Variants in GULP1 observed in about 807,000 individuals in gnomAD.
GULP1 encodes GULP PTB domain containing engulfment adaptor 1, also known as PTB domain-containing engulfment adapter protein 1.
A neutral mutation model predicts 40.9 loss-of-function variants in GULP1; 19 were observed. The observed-to-expected ratio is 0.46, with a 90% CI of 0.32 to 0.68. The LOEUF (loss-of-function observed/expected upper bound fraction) is 0.68, where lower values mean the gene tolerates loss of function less well. Ranked by LOEUF, GULP1 falls within the 30% of genes least tolerant of loss-of-function variation. The pLI is 0.03. For missense variants in GULP1, 312 were observed against 362.2 expected (o/e 0.86, Z 1.12); for synonymous variants, 119 against 117.6 (o/e 1.01, Z -0.08).
At chr2:188,579,051 ACCAAATTT>A (rs1049969878) in intron 9 of GULP1, among the ~76,000 whole-genome samples, 4 of 152,228 alleles carry the variant, frequency 2.6e-5, no homozygotes, top group African/African-American at 9.6e-5. Context: ...AGAATCAAGC[ACCAAATTT>A]ATCCATATAT....
chr2:188,477,594 A>G (rs1018744653), intron 2 of GULP1, 65 bp from the exon 3 acceptor site: 18 of 784,792 alleles, frequency 2.3e-5, no homozygotes, highest in Non-Finnish European at 2.7e-5. Context: ...TTAAAACCAC[A>G]TTAGCAAAAG....
rs1553540229 is a variant in GULP1 at position 188,399,714 on chromosome 2, A to AAAAAAC, written c.-45+15825_-45+15826insAAAAAC. On this transcript the variant is annotated intron_variant, in intron 2 of 11. Transcript: ENST00000409830. ...AGAAAAAAAAAAAAAAAAAAAAAAA[A>AAAAAAC]CATCAAACTGTAATAACAATAAAAT... Among the ~76,000 whole-genome samples, 148 of 131,090 alleles carry AAAAAAC rather than the reference A, an allele frequency of 1.1e-3. 7 individuals are homozygous for AAAAAAC. The highest frequency in any genetic ancestry group is 3.2e-3 in the African/African-American group (107 of 33,536). The allele number at this position is 131,090 out of a possible 152,430, so 86.0% of individuals were successfully genotyped here.
chr2:188,538,385 TAATG>T (rs1461877963), intron 6 of GULP1, among the ~76,000 whole-genome samples: 1 of 152,076 alleles, frequency 6.6e-6, no homozygotes, highest in African/African-American at 2.4e-5. Context: ...TTAAAACTCT[TAATG>T]AAAAAGAAGC....
intron 11 of GULP1, chr2:188,588,744 T>C (rs1702919820): frequency 6.6e-6 from 1 of 152,126 alleles, no homozygotes; most frequent in African/African-American, 2.4e-5. Flanking sequence ...GGAGGTATTT[T>C]TGTTTATTAG....
intron 9 of GULP1, among the ~76,000 whole-genome samples, chr2:188,581,361 C>G (rs1701283381): frequency 1.3e-5 from 2 of 152,186 alleles, no homozygotes; most frequent in African/African-American, 4.8e-5. Flanking sequence ...ATACATCTGA[C>G]CCTTGCTCAA....
intron 4 of GULP1, among the ~76,000 whole-genome samples, chr2:188,511,493 A>G (rs2064534574): frequency 6.6e-6 from 1 of 152,018 alleles, no homozygotes; most frequent in East Asian, 1.9e-4. Flanking sequence ...TAAATGCCCT[A>G]TTTACTCCAC....
chr2:188,445,298 A>G (rs2058288457), intron 2 of GULP1, among the ~76,000 whole-genome samples: 1 of 150,106 alleles, frequency 6.7e-6, no homozygotes. Context: ...TGTTTAAAGG[A>G]AAAAAAAACA....
In GULP1 at chr2:188,360,562, G is replaced by C. The variant is rs144796067; in HGVS notation, c.-171-23201G>C. Among the ~76,000 whole-genome samples, 5 of 152,074 alleles carry C rather than the reference G, an allele frequency of 3.3e-5. No homozygotes were observed. In the East Asian group the frequency reaches 9.7e-4, roughly 29 times the overall value. ...AATCTTTATTCTGATTTCTTAAGAGGAAGATTGATTTAATTGTCAATGTTG... is the reference window on the plus strand; with the variant it reads ...AATCTTTATTCTGATTTCTTAAGAGCAAGATTGATTTAATTGTCAATGTTG... On this transcript the variant is annotated intron_variant, in intron 1 of 11. Transcript: ENST00000409830.
intron 7 of GULP1, among the ~76,000 whole-genome samples, chr2:188,542,407 CT>C (rs1445878247): frequency 6.6e-6 from 1 of 151,846 alleles, no homozygotes; most frequent in Non-Finnish European, 1.5e-5. Flanking sequence ...GAACAAATAC[CT>C]TTTTATTTGT....
intron 1 of GULP1, among the ~76,000 whole-genome samples, chr2:188,367,657 T>C (rs187019210): frequency 3.7e-4 from 56 of 152,272 alleles, no homozygotes; most frequent in South Asian, 2.3e-3. Context: ...GGTATCAAGA[T>C]AGAAACGGTT....
intron 5 of GULP1, among the ~76,000 whole-genome samples, chr2:188,523,179 A>G (rs1685279392): frequency 6.6e-6 from 1 of 152,216 alleles, no homozygotes; most frequent in Non-Finnish European, 1.5e-5. Flanking sequence ...ATGGCATAAC[A>G]ACTGTCTTTA....
intron 1 of GULP1, among the ~76,000 whole-genome samples, chr2:188,301,051 G>A (rs2036042441): frequency 6.6e-6 from 1 of 152,184 alleles, no homozygotes; most frequent in East Asian, 1.9e-4. Context: ...GTCTCACTCT[G>A]TCACCCAACC....
intron 1 of GULP1, among the ~76,000 whole-genome samples, chr2:188,328,555 T>C (rs2041088870): frequency 6.6e-6 from 1 of 152,168 alleles, no homozygotes; most frequent in Non-Finnish European, 1.5e-5. Flanking sequence ...CATAAATTCC[T>C]CAGTTTTCAC....
At chr2:188,506,923 A>C (rs1457353790) in intron 4 of GULP1, among the ~76,000 whole-genome samples, 1 of 151,974 alleles carries the variant, frequency 6.6e-6, no homozygotes, top group Non-Finnish European at 1.5e-5. Context: ...CACAACCTGA[A>C]CTTCTCCCAG....
intron 4 of GULP1, among the ~76,000 whole-genome samples, chr2:188,503,061 G>C (rs925293727): frequency 1.3e-5 from 2 of 151,862 alleles, no homozygotes; most frequent in Non-Finnish European, 2.9e-5. Context: ...AAGGTCTCAC[G>C]TTTTAATACT....
At chr2:188,444,018 T>A (rs1411835670) in intron 2 of GULP1, among the ~76,000 whole-genome samples, 1 of 152,184 alleles carries the variant, frequency 6.6e-6, no homozygotes, top group Non-Finnish European at 1.5e-5. Flanking sequence ...GGCATCCTAT[T>A]TTCTTTCCTA....
intron 2 of GULP1, among the ~76,000 whole-genome samples, chr2:188,467,133 CA>C (rs1340318835): frequency 2.6e-5 from 4 of 151,374 alleles, no homozygotes. Flanking sequence ...AAGCTTGTGG[CA>C]AAAGTTAAAA....
intron 7 of GULP1, among the ~76,000 whole-genome samples, chr2:188,565,069 G>C (rs1194109351): frequency 2.0e-5 from 3 of 151,892 alleles, no homozygotes; most frequent in Non-Finnish European, 4.4e-5. Flanking sequence ...AGACATAAAA[G>C]TAGAAGCTTT....
intron 2 of GULP1, among the ~76,000 whole-genome samples, chr2:188,419,556 GTT>G (rs1050928401): frequency 7.1e-6 from 1 of 140,472 alleles, no homozygotes; most frequent in Non-Finnish European, 1.6e-5. Context: ...GGCCATTTGT[GTT>G]TTTTTTTTTA....
Sources: allele counts gnomAD v4.1 joint callset (sites outside exome capture counted in the v4.1 genomes callset), GRCh38; gene constraint gnomAD v4.1.1; transcripts MANE v1.5; gene names NCBI Gene and HGNC (gene_info 2026-07-23, HGNC 2026-07-21).